Variants in MCF2L observed in about 807,000 individuals in gnomAD.
The protein encoded by MCF2L is guanine nucleotide exchange factor DBS.
A neutral mutation model predicts 153.4 loss-of-function variants in MCF2L; 97 were observed. That is an observed-to-expected ratio of 0.63 (90% CI 0.54 to 0.75). The LOEUF (loss-of-function observed/expected upper bound fraction) is 0.75, where lower values mean the gene tolerates loss of function less well. Among genes scored for constraint, MCF2L ranks in the 30% least tolerant of loss-of-function variants. The pLI is 0.00. For missense variants in MCF2L, 1,347 were observed against 1,495.2 expected (o/e 0.90, Z 1.64); for synonymous variants, 659 against 632.2 (o/e 1.04, Z -0.64).
At chr13:112,902,191 T>C (rs771083024) in intron 1 of MCF2L, 10 of 1,610,654 alleles carry the variant, frequency 6.2e-6, no homozygotes, top group Middle Eastern at 1.6e-4. Flanking sequence ...AAAATCTTTT[T>C]TCTGCAGCCT....
chr13:113,021,668 G>A (rs2084892230), intron 2 of MCF2L, among the ~76,000 whole-genome samples: 1 of 152,232 alleles, frequency 6.6e-6, no homozygotes, highest in Admixed American at 6.5e-5. Flanking sequence ...TCCTGGCACT[G>A]CCCACCTTGG....
intron 9 of MCF2L, among the ~76,000 whole-genome samples, chr13:113,071,832 T>C (rs1025091771): frequency 2.0e-5 from 3 of 152,282 alleles, no homozygotes; most frequent in Non-Finnish European, 4.4e-5. Flanking sequence ...TTTTCAAAAT[T>C]GTGTTAGCTT....
At chr13:113,090,272 C>G (rs1273083956) in intron 26 of MCF2L, 5 of 1,329,058 alleles carry the variant, frequency 3.8e-6, no homozygotes, top group Non-Finnish European at 3.9e-6. Flanking sequence ...AAAAGCGTTT[C>G]TTTCCACCCA....
intron 1 of MCF2L, chr13:113,001,384 G>T (rs1305629804): frequency 6.6e-6 from 1 of 152,656 alleles, no homozygotes; most frequent in Non-Finnish European, 1.5e-5. Context: ...CTTGGCCCCT[G>T]GGTCAGCATA....
At position 113,082,517 on chromosome 13, in the gene MCF2L, G is replaced by A; in HGVS notation, c.1966G>A (p.Glu656Lys). The A allele has an allele frequency of 3.7e-6, 6 of 1,613,634 alleles. No homozygotes were observed. The highest frequency in any genetic ancestry group is 5.1e-6 in the Non-Finnish European group (6 of 1,179,578). ...GAAGGATGTTTTGTTTGGAAACATG[G>A]AGGAAATCTATCACTTCCACAACAG... ...NKKDVLFGNM[E>K]EIYHFHNRIF... The change falls in exon 17 of 30, where the codon GAG becomes AAG. Residue 656 changes from glutamate (E) to lysine (K), a missense_variant. Transcript: ENST00000535094.
intron 2 of MCF2L, among the ~76,000 whole-genome samples, chr13:112,933,634 T>C (rs2081485791): frequency 6.6e-6 from 1 of 152,268 alleles, no homozygotes; most frequent in Non-Finnish European, 1.5e-5. Flanking sequence ...CAAATATTTC[T>C]AGTAGTGCAC....
intron 1 of MCF2L, among the ~76,000 whole-genome samples, chr13:112,994,661 C>A (rs574262915): frequency 6.6e-6 from 1 of 152,240 alleles, no homozygotes; most frequent in African/African-American, 2.4e-5. Flanking sequence ...TGAGGCCGCG[C>A]GATGTCCTTC....
upstream of MCF2L, among the ~76,000 whole-genome samples, chr13:112,966,724 G>A (rs2081898186): frequency 6.6e-6 from 1 of 152,236 alleles, no homozygotes; most frequent in Non-Finnish European, 1.5e-5. This position sits in a 1 kb window ranked among gnomAD's most constrained non-coding sequence, Gnocchi z 4.1. Flanking sequence ...TGCCCAAGGG[G>A]TGAAGAGGGA....
In MCF2L at chr13:113,090,072, CA is replaced by C. The variant is rs749902629; in HGVS notation, c.2953+345del. On this transcript the variant is annotated intron_variant, in intron 26 of 29. Coordinates refer to ENST00000535094, the MANE Select transcript of MCF2L (RefSeq NM_001112732.3). ...TTTCTTTCTCTTCCTTCATAGATGA[CA>C]CGGTCACTAGCTCTGCCTCAGAAAG... is the stretch of plus-strand genomic sequence containing the variant. 1.9e-6 allele frequency: 3 copies of C among 1,557,628 alleles called. No individual in the cohort carries two copies. In the African/African-American group the frequency reaches 4.1e-5, roughly 21 times the overall value.
At chr13:112,902,479 A>T in intron 2 of MCF2L, 1 of 1,167,054 alleles carries the variant, frequency 8.6e-7, no homozygotes, top group Non-Finnish European at 1.2e-6. Flanking sequence ...CAAGGTTTAG[A>T]TCCTGGGAAT....
rs369793819 is a variant in MCF2L, at chr13:112,904,895, C to T, written c.169+2524C>T. On this transcript the variant is annotated intron_variant, in intron 2 of 29. Transcript: ENST00000375608. The surrounding 1 kb of genome is among the most constrained non-coding windows in gnomAD (Gnocchi z 4.2). Reference sequence around the variant, plus strand: ...AAACCTGTTTGTATCAGAACAATTTCGAAATCAGTGATAGTTTTTTTTGTC... The same window carrying T: ...AAACCTGTTTGTATCAGAACAATTTTGAAATCAGTGATAGTTTTTTTTGTC... 6.6e-5 allele frequency among the ~76,000 whole-genome samples: 10 copies of T among 152,316 alleles called. No individual in the cohort carries two copies. The highest frequency in any genetic ancestry group is 1.3e-4 in the Admixed American group (2 of 15,290).
rs745377634 is a variant in MCF2L at position 113,086,138 on chromosome 13, C to T, written c.2262C>T (p.Tyr754=). The change falls in exon 21 of 30, where the codon TAC becomes TAT. Residue 754 remains tyrosine, a synonymous_variant. Transcript: ENST00000535094. Reference sequence around the variant, plus strand: ...ATGCCCCTCAGGAAATGCTGAAATACAGCAGGAACTGCGAGGGGGCTGAGG... The same window carrying T: ...ATGCCCCTCAGGAAATGCTGAAATATAGCAGGAACTGCGAGGGGGCTGAGG... ...YQLLLKEMLK[Y]SRNCEGAEDL... is the part of the protein sequence containing the mutation. The T allele has an allele frequency of 2.5e-6, 4 of 1,608,230 alleles. No individual in the cohort carries two copies. The African/African-American group carries it at 5.4e-5, about 22-fold the overall frequency.
At chr13:113,096,213 A>G in intron 27 of MCF2L, 158 bp from the exon 28 acceptor site, 1 of 633,188 alleles carries the variant, frequency 1.6e-6, no homozygotes, top group Admixed American at 2.8e-5. Context: ...CCTGCGGCGT[A>G]GCCTCCTCCC....
chr13:112,961,845 G>T (rs1431654310), intron 2 of MCF2L, among the ~76,000 whole-genome samples: 1 of 152,186 alleles, frequency 6.6e-6, no homozygotes, highest in African/African-American at 2.4e-5. Flanking sequence ...CGGAATCAGA[G>T]GGGCCTCCTG....
intron 2 of MCF2L, 124 bp from the exon 3 acceptor site, chr13:113,024,520 A>G: frequency 1.6e-6 from 1 of 625,912 alleles, no homozygotes; most frequent in South Asian, 2.2e-5. Flanking sequence ...AAATTATGCA[A>G]CGATGAAGAA....
Position 113,025,133 on chromosome 13 carries a change from G to A in MCF2L, c.278+375G>A, listed in dbSNP as rs370237697. 2.8e-4 allele frequency among the ~76,000 whole-genome samples: 27 copies of A among 95,366 alleles called. No homozygotes were observed. The East Asian group carries it at 0.011, about 38-fold the overall frequency. The allele number at this position is 95,366 out of a possible 152,430, so 62.6% of individuals were successfully genotyped here. On this transcript the variant is annotated intron_variant, in intron 3 of 29. Coordinates refer to ENST00000535094, the MANE Select transcript of MCF2L (RefSeq NM_001112732.3). Reference sequence around the variant, plus strand: ...AACTATGGGATGAGGCAGAGTCCCTGTGAGATTTCCCCATCATGCGGTCCC... The same window carrying A: ...AACTATGGGATGAGGCAGAGTCCCTATGAGATTTCCCCATCATGCGGTCCC...
chr13:112,979,272 C>T, intron 1 of MCF2L: 1 of 1,043,766 alleles, frequency 9.6e-7, no homozygotes, highest in South Asian at 3.6e-5. Context: ...GGAGGTCCAG[C>T]CCACGCAAGC....
At position 113,027,571 on chromosome 13, in the gene MCF2L, T is replaced by C. The variant is rs542626033; in HGVS notation, c.278+2813T>C. Among the ~76,000 whole-genome samples, 156 of 152,214 alleles carry C rather than the reference T, an allele frequency of 1.0e-3. No individual in the cohort carries two copies. Among genetic ancestry groups the C allele is most frequent in the African/African-American group, 3.6e-3 (149 of 41,520 alleles). On this transcript the variant is annotated intron_variant, in intron 3 of 29. Transcript: ENST00000535094. The surrounding 1 kb of genome is among the most constrained non-coding windows in gnomAD (Gnocchi z 4.8). ...TGTTGTGAGAATCTTGCACCCCCTA[T>C]GCGCCAGGCTCTGCTGGCTGAGCTG...
At chr13:112,940,381 A>G (rs1189149461) in intron 2 of MCF2L, among the ~76,000 whole-genome samples, 1 of 152,330 alleles carries the variant, frequency 6.6e-6, no homozygotes, top group East Asian at 1.9e-4. Flanking sequence ...CAGGCTTTGA[A>G]TGGAACTGAA....
Sources: allele counts gnomAD v4.1 joint callset (sites outside exome capture counted in the v4.1 genomes callset), GRCh38; gene constraint gnomAD v4.1.1; non-coding constraint Gnocchi (gnomAD v3.1); transcripts MANE v1.5; gene names NCBI Gene and HGNC (gene_info 2026-07-23, HGNC 2026-07-21).